Variants in PDE4B observed in about 807,000 individuals in gnomAD.
PDE4B encodes the protein phosphodiesterase 4B.
A neutral mutation model predicts 82.2 loss-of-function variants in PDE4B; 20 were observed. That is an observed-to-expected ratio of 0.24 (90% confidence interval 0.17 to 0.35). The LOEUF is 0.35. Ranked by LOEUF, PDE4B falls within the 10% of genes least tolerant of loss-of-function variation. PDE4B has a pLI of 1.00. For synonymous variants in PDE4B, 320 were observed against 318.9 expected, an observed-to-expected ratio of 1.00 and a Z score of -0.04; for missense variants, 655 against 907.2, an observed-to-expected ratio of 0.72 and a Z score of 3.57.
chr1:65,978,032 T>G (rs997450355), intron 3 of PDE4B, among the ~76,000 whole-genome samples: 280 of 149,242 alleles, frequency 1.9e-3, no homozygotes, highest in African/African-American at 6.5e-3. Flanking sequence ...TTAATTTTTT[T>G]TTTTTTTTTT....
At chr1:66,096,524 A>ATATGTATATATATATATATATG in intron 3 of PDE4B, among the ~76,000 whole-genome samples, 1 of 139,668 alleles carries the variant, frequency 7.2e-6, no homozygotes, top group African/African-American at 2.7e-5. Flanking sequence ...ATATATATAT[A>ATATGTATATATATATATATATG]TATATATATA....
chr1:66,100,553 G>A (rs1276024089), intron 3 of PDE4B, among the ~76,000 whole-genome samples: 1 of 152,092 alleles, frequency 6.6e-6, no homozygotes, highest in Non-Finnish European at 1.5e-5. Flanking sequence ...TCATAGATAT[G>A]TTTAAGTTTA....
intron 1 of PDE4B, among the ~76,000 whole-genome samples, chr1:65,833,792 AT>A (rs1182211729): frequency 6.6e-6 from 1 of 152,210 alleles, no homozygotes; most frequent in African/African-American, 2.4e-5. Flanking sequence ...ATTTTCAGAA[AT>A]TTTTTGAGTC....
intron 3 of PDE4B, among the ~76,000 whole-genome samples, chr1:66,058,614 AACACCATGTGG>A (rs1419673837): frequency 3.9e-5 from 6 of 152,344 alleles, no homozygotes; most frequent in Admixed American, 3.9e-4. Context: ...CTGCAGACCC[AACACCATGTGG>A]AAGCTACCAA....
chr1:66,078,172 T>C (rs1656526237), intron 3 of PDE4B, among the ~76,000 whole-genome samples: 1 of 151,880 alleles, frequency 6.6e-6, no homozygotes, highest in Non-Finnish European at 1.5e-5. Context: ...GACTGCTTTC[T>C]ACCTTGCTTA....
At chr1:66,079,924 TA>T (rs1225263586) in intron 3 of PDE4B, among the ~76,000 whole-genome samples, 1 of 151,992 alleles carries the variant, frequency 6.6e-6, no homozygotes, top group East Asian at 1.9e-4. Flanking sequence ...TTAATGAAAA[TA>T]ATTTTAATAC....
rs1656257984 is a variant in PDE4B at position 66,073,337 on chromosome 1, TC to T, written c.281+154503del. 3.3e-5 allele frequency among the ~76,000 whole-genome samples: 5 copies of T among 152,288 alleles called. No individual in the cohort carries two copies. In the South Asian group the frequency reaches 1.0e-3, roughly 32 times the overall value. The stretch of plus-strand genomic sequence containing the variant: ...TCTTGGGCAATGAGACTTTATTTCT[TC>T]AAACCTATTTCATGTTATTATGGTA... On this transcript the variant is annotated intron_variant, in intron 3 of 16. Coordinates refer to ENST00000341517, the MANE Select transcript of PDE4B (RefSeq NM_002600.4).
intron 1 of PDE4B, among the ~76,000 whole-genome samples, chr1:65,905,971 A>G (rs1329011743): frequency 6.6e-6 from 1 of 152,072 alleles, no homozygotes; most frequent in African/African-American, 2.4e-5. Context: ...TGGGCTCTCA[A>G]TCTTTTGTTG....
chr1:66,065,936 A>G (rs954915497), intron 3 of PDE4B, among the ~76,000 whole-genome samples: 2 of 151,788 alleles, frequency 1.3e-5, no homozygotes, highest in Non-Finnish European at 2.9e-5. Flanking sequence ...ACCGTAGTAC[A>G]AAAAGGCTTA....
intron 13 of PDE4B, chr1:66,367,434 G>T (rs1314253641): frequency 3.4e-6 from 1 of 293,724 alleles, no homozygotes; most frequent in Non-Finnish European, 6.3e-6. Context: ...CTTCATCTGA[G>T]ATATAGAAGG....
At chr1:65,852,636 A>G (rs1646344523) in intron 1 of PDE4B, among the ~76,000 whole-genome samples, 1 of 151,916 alleles carries the variant, frequency 6.6e-6, no homozygotes, top group Non-Finnish European at 1.5e-5. Flanking sequence ...AGAATTTTAT[A>G]TGTTTTACTT....
At chr1:66,109,431 T>C (rs1645437018) in intron 3 of PDE4B, among the ~76,000 whole-genome samples, 1 of 151,602 alleles carries the variant, frequency 6.6e-6, no homozygotes, top group Non-Finnish European at 1.5e-5. Context: ...GTTTGCCCAA[T>C]TGATGACACA....
intron 1 of PDE4B, among the ~76,000 whole-genome samples, chr1:65,820,940 T>A (rs1403579999): frequency 2.6e-5 from 4 of 152,224 alleles, no homozygotes; most frequent in African/African-American, 9.6e-5. Flanking sequence ...GTAAGGTAAG[T>A]CAGGCTTAAC....
chr1:66,326,593 C>T (rs1312383485), intron 7 of PDE4B, among the ~76,000 whole-genome samples: 1 of 152,172 alleles, frequency 6.6e-6, no homozygotes, highest in Admixed American at 6.5e-5. Context: ...AATAACTTTG[C>T]AAATAGTTAC....
At chr1:65,963,247 C>T (rs775914001) in intron 3 of PDE4B, among the ~76,000 whole-genome samples, 7 of 152,080 alleles carry the variant, frequency 4.6e-5, no homozygotes, top group Non-Finnish European at 7.4e-5. Flanking sequence ...CCAAAAGCAC[C>T]GATTAGAACA....
rs76141597 is a variant in PDE4B, at chr1:65,962,260, A to T, written c.281+43425A>T. On this transcript the variant is annotated intron_variant, in intron 3 of 16. Coordinates refer to ENST00000341517, the MANE Select transcript of PDE4B (RefSeq NM_002600.4). ...TTTCTACAGAATGTGCATCCCTTTCACAACTTCCTAAGGTCAAAAAGGGGT... is the reference window on the plus strand; with the variant it reads ...TTTCTACAGAATGTGCATCCCTTTCTCAACTTCCTAAGGTCAAAAAGGGGT... Among the ~76,000 whole-genome samples the T allele has an allele frequency of 4.6e-5, 7 of 152,266 alleles. No homozygotes were observed. In the East Asian group the frequency reaches 1.4e-3, roughly 29 times the overall value.
chr1:65,921,860 T>C (rs1647260800), intron 3 of PDE4B, among the ~76,000 whole-genome samples: 1 of 152,212 alleles, frequency 6.6e-6, no homozygotes. Context: ...AAACTGACTT[T>C]GAGGTCATGG....
At chr1:65,910,865 G>A (rs1647082074) in intron 1 of PDE4B, among the ~76,000 whole-genome samples, 3 of 152,324 alleles carry the variant, frequency 2.0e-5, no homozygotes, top group South Asian at 2.1e-4. Context: ...CCAGAATGGA[G>A]AAGGGCCAAG....
intron 1 of PDE4B, among the ~76,000 whole-genome samples, chr1:65,883,651 T>C (rs1363463011): frequency 2.0e-5 from 3 of 152,218 alleles, no homozygotes; most frequent in Admixed American, 1.3e-4. Flanking sequence ...CCTTTATTTC[T>C]TTCTCCTGCC....
Sources: allele counts gnomAD v4.1 joint callset (sites outside exome capture counted in the v4.1 genomes callset), GRCh38; gene constraint gnomAD v4.1.1; transcripts MANE v1.5; gene names NCBI Gene and HGNC (gene_info 2026-07-23, HGNC 2026-07-21).